Variants in LRP11 observed in about 807,000 individuals in gnomAD.
The protein encoded by LRP11 is LDL receptor related protein 11.
In LRP11, 25 loss-of-function variants were observed where a neutral mutation model predicts 43.1. The observed-to-expected ratio is 0.58, with a 90% CI of 0.42 to 0.81. The LOEUF (loss-of-function observed/expected upper bound fraction) is 0.81, where lower values mean the gene tolerates loss of function less well. Ranked by LOEUF, LRP11 falls within the 30% of genes least tolerant of loss-of-function variation. The probability of loss-of-function intolerance (pLI) is 0.00; values close to 1 mark genes in which losing one functional copy is unlikely to be tolerated. For synonymous variants in LRP11, 316 were observed against 299.4 expected (o/e 1.06, Z -0.57); for missense variants, 623 against 665.1 (o/e 0.94, Z 0.70).
At position 149,859,006 on chromosome 6, in the gene LRP11, T is replaced by C. The variant is rs150913385; in HGVS notation, c.613+4402A>G. Among the ~76,000 whole-genome samples the C allele has an allele frequency of 2.2e-3, 334 of 152,276 alleles. 1 individual carries two copies. Among genetic ancestry groups the C allele is most frequent in the African/African-American group, 7.8e-3 (323 of 41,540 alleles). Reference sequence around the variant, plus strand: ...AGAAGTGTATATAAAGTTTCCCATATGCATGTCAATATGAGTAAAACACTT... The same window carrying C: ...AGAAGTGTATATAAAGTTTCCCATACGCATGTCAATATGAGTAAAACACTT... On this transcript the variant is annotated intron_variant, in intron 1 of 6. Coordinates refer to ENST00000239367, the MANE Select transcript of LRP11 (RefSeq NM_032832.6).
chr6:149,842,600 G>A, intron 3 of LRP11: 7 of 1,543,156 alleles, frequency 4.5e-6, no homozygotes, highest in Non-Finnish European at 5.3e-6. Flanking sequence ...TCCACTCTCT[G>A]CTTCCACGAG....
In LRP11 at chr6:149,864,137, C is replaced by T; in HGVS notation, c.-117G>A. On this transcript the variant is annotated 5_prime_UTR_variant, in exon 1 of 7. Transcript: ENST00000239367. ...GCGCGGCCGCGGCTGGCTCTAGGCC[C>T]CGGCCTCACAGCGCGGCGCCCCCGA... The T allele has an allele frequency of 8.6e-7, 1 of 1,166,230 alleles. No homozygotes were observed. Among genetic ancestry groups the T allele is most frequent in the Non-Finnish European group, 1.1e-6 (1 of 946,666 alleles). The allele number at this position is 1,166,230 out of a possible 1,614,324, so 72.2% of individuals were successfully genotyped here. A position where few individuals can be genotyped will look rare whatever the true frequency, so the allele number is the denominator to read the frequency against.
intron 1 of LRP11, among the ~76,000 whole-genome samples, chr6:149,857,856 A>C (rs1776824762): frequency 6.6e-6 from 1 of 152,182 alleles, no homozygotes; most frequent in African/African-American, 2.4e-5. Flanking sequence ...GTGGGCAAGG[A>C]GAACCCATTG....
rs10553273 is a variant in LRP11 at position 149,862,577 on chromosome 6, C to CTTTTTTTTTTTTTTTTTTTTTTTTTTTT, written c.613+830_613+831insAAAAAAAAAAAAAAAAAAAAAAAAAAAA. Among the ~76,000 whole-genome samples, 2 of 126,206 alleles carry CTTTTTTTTTTTTTTTTTTTTTTTTTTTT rather than the reference C, an allele frequency of 1.6e-5. 1 individual carries two copies. The highest frequency in any genetic ancestry group is 6.1e-5 in the African/African-American group (2 of 33,048). 82.8% of individuals were successfully genotyped at this position (126,206 alleles called of 152,430 possible). On this transcript the variant is annotated intron_variant, in intron 1 of 6. Coordinates refer to ENST00000239367, the MANE Select transcript of LRP11 (RefSeq NM_032832.6). The stretch of plus-strand genomic sequence containing the variant: ...CTTTAAAGTTTCCTATTTTCTTTTC[C>CTTTTTTTTTTTTTTTTTTTTTTTTTTTT]TTTTTTTTTTTTTTTTTTTAAGATG...
At chr6:149,855,307 A>G (rs1776781888) in intron 1 of LRP11, among the ~76,000 whole-genome samples, 1 of 152,220 alleles carries the variant, frequency 6.6e-6, no homozygotes, top group African/African-American at 2.4e-5. Flanking sequence ...TATACCTTGT[A>G]TCAAGGCCAC....
At chr6:149,853,633 G>A (rs1174073711) in intron 1 of LRP11, among the ~76,000 whole-genome samples, 2 of 152,142 alleles carry the variant, frequency 1.3e-5, no homozygotes, top group Admixed American at 6.5e-5. Context: ...TCAACCGCCC[G>A]AGTAGCTGGG....
At chr6:149,847,266 T>A (rs1171425622) in intron 2 of LRP11, among the ~76,000 whole-genome samples, 2 of 152,194 alleles carry the variant, frequency 1.3e-5, no homozygotes, top group Admixed American at 1.3e-4. Context: ...CTTGGCATGC[T>A]TCCCCCCTGC....
chr6:149,862,672 T>C (rs1776936221), intron 1 of LRP11, among the ~76,000 whole-genome samples: 3 of 146,450 alleles, frequency 2.0e-5, no homozygotes, highest in African/African-American at 7.6e-5. Flanking sequence ...CTCCGCCTCC[T>C]AGGTTCAAGC....
At chr6:149,829,110 C>T (rs978958187) in intron 5 of LRP11, among the ~76,000 whole-genome samples, 3 of 152,134 alleles carry the variant, frequency 2.0e-5, no homozygotes, top group African/African-American at 7.2e-5. Flanking sequence ...CCACTTGTGG[C>T]ACTTCTCCCT....
chr6:149,821,790 C>G (rs910807670), intron 6 of LRP11, among the ~76,000 whole-genome samples: 4 of 152,174 alleles, frequency 2.6e-5, no homozygotes, highest in Admixed American at 2.6e-4. Context: ...AGAGGAGAAA[C>G]ATCTCCTTTG....
At chr6:149,823,344 C>T (rs181589448) in intron 6 of LRP11, among the ~76,000 whole-genome samples, 99 of 152,100 alleles carry the variant, frequency 6.5e-4, no homozygotes, top group Non-Finnish European at 1.1e-3. Flanking sequence ...GGAGAATGAG[C>T]CAGTAAAGAA....
At chr6:149,861,088 CAGAT>C (rs1776885509) in intron 1 of LRP11, among the ~76,000 whole-genome samples, 1 of 152,202 alleles carries the variant, frequency 6.6e-6, no homozygotes, top group African/African-American at 2.4e-5. Flanking sequence ...TCATCCACCT[CAGAT>C]GGATCCAGTC....
intron 1 of LRP11, among the ~76,000 whole-genome samples, chr6:149,862,578 T>C (rs67569936): frequency 1.4e-3 from 1 of 690 alleles, no homozygotes; most frequent in Non-Finnish European, 0.036. Flanking sequence ...TTTCTTTTCC[T>C]TTTTTTTTTT....
chr6:149,862,056 T>G (rs1776910386), intron 1 of LRP11, among the ~76,000 whole-genome samples: 1 of 152,150 alleles, frequency 6.6e-6, no homozygotes, highest in African/African-American at 2.4e-5. Context: ...GCCTCAGAGA[T>G]GCTGATGGGG....
Position 149,859,541 on chromosome 6 carries a change from G to A in LRP11, c.613+3867C>T, listed in dbSNP as rs567276592. ...CTCCCCAGTAGCTAGGACTACAGGC[G>A]TGTGTCAACAAACCAGGCTAATTTT... is the stretch of plus-strand genomic sequence containing the variant. On this transcript the variant is annotated intron_variant, in intron 1 of 6. Coordinates refer to ENST00000239367, the MANE Select transcript of LRP11 (RefSeq NM_032832.6). Among the ~76,000 whole-genome samples, 13 of 151,062 alleles carry A rather than the reference G, an allele frequency of 8.6e-5. No individual in the cohort carries two copies. In the South Asian group the frequency reaches 2.5e-3, roughly 29 times the overall value.
chr6:149,854,656 G>A (rs986387037), intron 1 of LRP11, among the ~76,000 whole-genome samples: 2 of 152,170 alleles, frequency 1.3e-5, no homozygotes, highest in Non-Finnish European at 1.5e-5. Flanking sequence ...TGTGTACCAC[G>A]CCCTCTTTGG....
At chr6:149,832,394 T>C (rs917987821) in intron 5 of LRP11, among the ~76,000 whole-genome samples, 5 of 151,830 alleles carry the variant, frequency 3.3e-5, no homozygotes, top group African/African-American at 4.8e-5. Flanking sequence ...GGTTTCACCA[T>C]GTTGGCCAGG....
At chr6:149,834,943 G>T (rs889803896) in intron 5 of LRP11, among the ~76,000 whole-genome samples, 3 of 152,154 alleles carry the variant, frequency 2.0e-5, no homozygotes, top group Admixed American at 6.5e-5. Flanking sequence ...AAATTATTTT[G>T]CATCTTCCGT....
Position 149,863,758 on chromosome 6 carries a change from T to C in LRP11, c.263A>G (p.Asp88Gly). The C allele has an allele frequency of 6.8e-7, 1 of 1,476,808 alleles. No homozygotes were observed. The highest frequency in any genetic ancestry group is 8.9e-7 in the Non-Finnish European group (1 of 1,120,410). The allele number at this position is 1,476,808 out of a possible 1,614,324, so 91.5% of individuals were successfully genotyped here. ...ELRAGGGPQE[D>G]CPGPGSGGYS... is the part of the protein sequence containing the mutation. ...GCCGCCGCTGCCCGGGCCCGGGCAG[T>C]CCTCCTGGGGGCCGCCGCCCGCGCG... The change falls in exon 1 of 7, where the codon GAC (aspartate) becomes GGC (glycine). Residue 88 changes from aspartate to glycine, a missense_variant. Transcript: ENST00000239367.
Sources: allele counts gnomAD v4.1 joint callset (sites outside exome capture counted in the v4.1 genomes callset), GRCh38; gene constraint gnomAD v4.1.1; transcripts MANE v1.5; gene names NCBI Gene and HGNC (gene_info 2026-07-23, HGNC 2026-07-21).